SBF2: variants seen among roughly 807,000 people sequenced by gnomAD.
SBF2 encodes the protein myotubularin-related protein 13.
In SBF2, 112 loss-of-function variants were observed where a neutral mutation model predicts 225.2. That is an observed-to-expected ratio of 0.50 (90% CI 0.43 to 0.58). The LOEUF (loss-of-function observed/expected upper bound fraction) is 0.58. SBF2 is among the 20% of genes least tolerant of loss of function. The pLI is 0.00. For synonymous variants in SBF2, 763 were observed against 773.3 expected (o/e 0.99, Z 0.22); for missense variants, 1,996 against 2,206.2 (o/e 0.90, Z 1.91).
chr11:10,197,498 C>T (rs1467345445), intron 1 of SBF2, among the ~76,000 whole-genome samples: 2 of 152,196 alleles, frequency 1.3e-5, no homozygotes, highest in Non-Finnish European at 2.9e-5. Flanking sequence ...TATCAATCAT[C>T]TGAGGCTTTA....
rs149560362 is a variant in SBF2, at chr11:9,918,162, C to T, written c.1861-22151G>A. On this transcript the variant is annotated intron_variant, in intron 16 of 39. Coordinates refer to ENST00000256190, the MANE Select transcript of SBF2 (RefSeq NM_030962.4). ...CAAGTACTGTTATTTCTATCTTCGC[C>T]ACATTTGTCATCGGCTCCCTCTTAC... Among the ~76,000 whole-genome samples, 3 of 143,782 alleles carry T rather than the reference C, an allele frequency of 2.1e-5. No individual in the cohort carries two copies. The East Asian group carries it at 5.8e-4, about 28-fold the overall frequency. 94.3% of individuals were successfully genotyped at this position (143,782 alleles called of 152,430 possible). A position where few individuals can be genotyped will look rare whatever the true frequency, so the allele number is the denominator to read the frequency against.
intron 1 of SBF2, among the ~76,000 whole-genome samples, chr11:10,291,138 A>G (rs1210012774): frequency 6.6e-6 from 1 of 152,204 alleles, no homozygotes. Context: ...AAATAATGCT[A>G]TAGTCTGAAT....
intron 2 of SBF2, among the ~76,000 whole-genome samples, chr11:10,140,218 T>C (rs1204097881): frequency 6.6e-6 from 1 of 152,168 alleles, no homozygotes; most frequent in African/African-American, 2.4e-5. Flanking sequence ...TCTTTTTTTA[T>C]GCTAATGAGA....
intron 1 of SBF2, among the ~76,000 whole-genome samples, chr11:10,274,903 CT>C (rs1962838677): frequency 6.6e-6 from 1 of 152,170 alleles, no homozygotes; most frequent in African/African-American, 2.4e-5. Flanking sequence ...TGTATTACTA[CT>C]GTAAGTAAAA....
chr11:10,002,267 T>A (rs1423118536), intron 7 of SBF2, among the ~76,000 whole-genome samples: 1 of 152,194 alleles, frequency 6.6e-6, no homozygotes, highest in Non-Finnish European at 1.5e-5. Context: ...AAATTAATAA[T>A]TCTTTAATAT....
At chr11:9,788,338 C>G (rs1852507435) in intron 35 of SBF2, among the ~76,000 whole-genome samples, 1 of 152,120 alleles carries the variant, frequency 6.6e-6, no homozygotes, top group South Asian at 2.1e-4. Context: ...TATCAGGGCT[C>G]AAAGCTATTC....
intron 39 of SBF2, 38 bp from the exon 40 acceptor site, chr11:9,780,554 C>A: frequency 6.4e-7 from 1 of 1,567,824 alleles, no homozygotes; most frequent in Non-Finnish European, 8.8e-7. Context: ...AGATGAAGGG[C>A]AGGGCTGTTT....
At position 10,101,600 on chromosome 11, in the gene SBF2, C is replaced by G. The variant is rs145032669; in HGVS notation, c.142-58619G>C. On this transcript the variant is annotated intron_variant, in intron 2 of 39. Coordinates refer to ENST00000256190, the MANE Select transcript of SBF2 (RefSeq NM_030962.4). ...GGAACCCGGAAACCTGGTATGCCGG[C>G]AAAAAGGGTAAGAAATTCTTACCAG... 7.9e-5 allele frequency among the ~76,000 whole-genome samples: 12 copies of G among 151,624 alleles called. No individual in the cohort carries two copies. In the East Asian group the frequency reaches 2.1e-3, roughly 27 times the overall value.
chr11:10,294,233 G>C (rs1964369302), upstream of SBF2: 5 of 483,848 alleles, frequency 1.0e-5, no homozygotes, highest in East Asian at 1.9e-4. Flanking sequence ...CTTGCGCGGC[G>C]CCTAGTGCCC....
At chr11:10,029,483 A>C (rs2134630598) in intron 5 of SBF2, among the ~76,000 whole-genome samples, 1 of 152,196 alleles carries the variant, frequency 6.6e-6, no homozygotes, top group East Asian at 1.9e-4. Flanking sequence ...TATATTTCCA[A>C]GAAAATACAA....
intron 2 of SBF2, among the ~76,000 whole-genome samples, chr11:10,088,527 G>C (rs1951664097): frequency 6.6e-6 from 1 of 152,198 alleles, no homozygotes; most frequent in Non-Finnish European, 1.5e-5. Context: ...GCCATCTGGT[G>C]AGGGCCTCAG....
intron 29 of SBF2, among the ~76,000 whole-genome samples, chr11:9,815,488 G>A (rs1262042940): frequency 2.0e-5 from 3 of 151,430 alleles, no homozygotes; most frequent in African/African-American, 7.3e-5. Flanking sequence ...ATATTTTATT[G>A]AGGAAGGGCA....
At chr11:10,096,101 C>T (rs1952008982) in intron 2 of SBF2, among the ~76,000 whole-genome samples, 1 of 152,050 alleles carries the variant, frequency 6.6e-6, no homozygotes, top group South Asian at 2.1e-4. Context: ...AACCATGCCA[C>T]ACTGACTCAA....
intron 16 of SBF2, among the ~76,000 whole-genome samples, chr11:9,915,928 G>GTGGTGTGCACCTGTAACCCC (rs1564997162): frequency 6.6e-6 from 1 of 152,086 alleles, no homozygotes; most frequent in Non-Finnish European, 1.5e-5. Flanking sequence ...GCCAGGTGTG[G>GTGGTGTGCACCTGTAACCCC]TGGTGTGCAC....
intron 13 of SBF2, among the ~76,000 whole-genome samples, chr11:9,983,507 AAG>A (rs1947050836): frequency 6.6e-6 from 1 of 152,146 alleles, no homozygotes; most frequent in Non-Finnish European, 1.5e-5. Context: ...CTGGTAGCAG[AAG>A]ACAAAGGGCA....
chr11:9,996,750 AT>A (rs1329144296), intron 9 of SBF2, among the ~76,000 whole-genome samples: 10 of 152,224 alleles, frequency 6.6e-5, no homozygotes, highest in African/African-American at 2.4e-4. Flanking sequence ...CAGGTTCTAT[AT>A]GCTATTTTAA....
intron 2 of SBF2, among the ~76,000 whole-genome samples, chr11:10,178,457 T>C (rs952081392): frequency 6.9e-6 from 1 of 145,236 alleles, no homozygotes; most frequent in African/African-American, 2.6e-5. Context: ...GACAAAGGGC[T>C]AATATCCAGA....
At chr11:10,223,687 C>T (rs1958434921) in intron 1 of SBF2, among the ~76,000 whole-genome samples, 5 of 151,788 alleles carry the variant, frequency 3.3e-5, no homozygotes, top group Admixed American at 3.3e-4. Flanking sequence ...AGGAACACTT[C>T]CAGCATCGCT....
chr11:10,157,432 C>G (rs1955530889), intron 2 of SBF2, among the ~76,000 whole-genome samples: 1 of 152,096 alleles, frequency 6.6e-6, no homozygotes, highest in South Asian at 2.1e-4. Context: ...TCTAATTAAA[C>G]TAAAGAGCTT....
Sources: allele counts gnomAD v4.1 joint callset (sites outside exome capture counted in the v4.1 genomes callset), GRCh38; gene constraint gnomAD v4.1.1; transcripts MANE v1.5; gene names NCBI Gene and HGNC (gene_info 2026-07-23, HGNC 2026-07-21).